The following TRPS1 variants were observed in gnomAD, a reference collection of about 807,000 sequenced individuals.
TRPS1 encodes the protein zinc finger transcription factor Trps1.
TRPS1 carries 6 observed loss-of-function variants against 101.2 expected under a neutral mutation model. That is an observed-to-expected ratio of 0.06 (90% CI 0.03 to 0.12). The LOEUF is 0.12. Among genes scored for constraint, TRPS1 ranks in the 10% least tolerant of loss-of-function variants. The pLI is 1.00. For missense variants in TRPS1, 1,363 were observed against 1,567.0 expected (o/e 0.87, Z 2.20); for synonymous variants, 578 against 589.8 (o/e 0.98, Z 0.29).
intron 5 of TRPS1, among the ~76,000 whole-genome samples, chr8:115,567,634 A>AT (rs1446146600): frequency 6.6e-6 from 1 of 152,140 alleles, no homozygotes; most frequent in Non-Finnish European, 1.5e-5. Context: ...AACATAAAAT[A>AT]TTCCAAATAT....
At chr8:115,500,164 G>A (rs1815278699) in intron 5 of TRPS1, among the ~76,000 whole-genome samples, 1 of 151,854 alleles carries the variant, frequency 6.6e-6, no homozygotes, top group Non-Finnish European at 1.5e-5. Context: ...CAAGTAGCTG[G>A]GATTATAGGC....
In TRPS1 at chr8:115,587,155, G is replaced by T. The variant is rs1245815484; in HGVS notation, c.2546C>A (p.Ala849Asp). 3 of 1,614,026 alleles carry T rather than the reference G, an allele frequency of 1.9e-6. No individual in the cohort carries two copies. The African/African-American group carries it at 4.0e-5, about 22-fold the overall frequency. The change falls in exon 5 of 7, where the codon GCC (alanine) becomes GAC (aspartate). Residue 849 changes from alanine (A) to aspartate (D), a missense_variant. Ala to Asp is a moderately radical substitution (Grantham distance 126, BLOSUM62 -2). Transcript: ENST00000395715. Reference sequence around the variant, plus strand: ...GCCATAAATAGGTCGCGCCAGATGGGCGGCCTCCACATTGGGACTATCCCT... The same window carrying T: ...GCCATAAATAGGTCGCGCCAGATGGTCGGCCTCCACATTGGGACTATCCCT... The part of the protein sequence containing the change: ...TLRDSPNVEA[A>D]HLARPIYGLA...
At position 115,619,919 on chromosome 8, in the gene TRPS1, T is replaced by C. The variant is rs757403386; in HGVS notation, c.179A>G (p.Asp60Gly). 1 of 1,614,194 alleles carries C rather than the reference T, an allele frequency of 6.2e-7. No individual in the cohort carries two copies. Among genetic ancestry groups the C allele is most frequent in the East Asian group, 2.2e-5 (1 of 44,870 alleles). ...FSADQMSENTDQSDAAELNHK... is the reference protein window; with the variant it reads ...FSADQMSENTGQSDAAELNHK... ...ATTTAGTTCTGCAGCATCACTCTGA[T>C]CCGTATTTTCTGACATCTGATCTGC... The change falls in exon 3 of 7, where the codon GAT (aspartate) becomes GGT (glycine). Residue 60 changes from aspartate (D) to glycine (G), a missense_variant. Physicochemically the swap from Asp to Gly is moderately conservative, Grantham distance 94 (BLOSUM62 -1). Coordinates refer to ENST00000395715, the MANE Select transcript of TRPS1 (RefSeq NM_014112.5).
chr8:115,472,709 A>G (rs964865854), intron 5 of TRPS1, among the ~76,000 whole-genome samples: 2 of 152,126 alleles, frequency 1.3e-5, no homozygotes, highest in Non-Finnish European at 2.9e-5. Context: ...ACTACATAAA[A>G]CTGAATGCTT....
In TRPS1 at chr8:115,447,492, T is replaced by C. The variant is rs1431922909; in HGVS notation, c.2701-29040A>G. Among the ~76,000 whole-genome samples, 4 of 152,146 alleles carry C rather than the reference T, an allele frequency of 2.6e-5. No homozygotes were observed. The South Asian group carries it at 6.2e-4, about 24-fold the overall frequency. The stretch of plus-strand genomic sequence containing the variant: ...GCTTTTGAGCAAAAGATATAAGATA[T>C]AAAAGTTATAATAGACTTAAAAACA... On this transcript the variant is annotated intron_variant, in intron 5 of 6. Coordinates refer to ENST00000395715, the MANE Select transcript of TRPS1 (RefSeq NM_014112.5).
intron 5 of TRPS1, among the ~76,000 whole-genome samples, chr8:115,433,608 T>G (rs1813374790): frequency 6.6e-6 from 1 of 152,142 alleles, no homozygotes; most frequent in South Asian, 2.1e-4. Flanking sequence ...GAGGTAGTTA[T>G]GTTTAATTGT....
intron 5 of TRPS1, among the ~76,000 whole-genome samples, chr8:115,501,574 A>G (rs970051216): frequency 4.6e-5 from 7 of 152,206 alleles, no homozygotes; most frequent in Non-Finnish European, 8.8e-5. Flanking sequence ...TGGATCCCAA[A>G]TATGTGAAGT....
intron 5 of TRPS1, among the ~76,000 whole-genome samples, chr8:115,564,274 C>T (rs2130376912): frequency 6.6e-6 from 1 of 152,194 alleles, no homozygotes; most frequent in Middle Eastern, 3.4e-3. Flanking sequence ...AAAAGATGTG[C>T]CGTAGCTTTC....
intron 5 of TRPS1, among the ~76,000 whole-genome samples, chr8:115,421,110 G>A (rs775936178): frequency 1.6e-4 from 24 of 151,390 alleles, no homozygotes; most frequent in African/African-American, 4.4e-4. Context: ...TCAGCCTCCC[G>A]AGTAGCTGGG....
Position 115,414,385 on chromosome 8 carries a change from T to C in TRPS1, c.3523A>G (p.Ile1175Val), listed in dbSNP as rs774367521. 1 of 1,613,952 alleles carries C rather than the reference T, an allele frequency of 6.2e-7. No homozygotes were observed. The highest frequency in any genetic ancestry group is 8.5e-7 in the Non-Finnish European group (1 of 1,179,956). The change falls in exon 7 of 7, where the codon ATT becomes GTT. Residue 1175 changes from isoleucine (I) to valine (V), a missense_variant. Coordinates refer to ENST00000395715, the MANE Select transcript of TRPS1 (RefSeq NM_014112.5). The surrounding 1 kb of genome is among the most constrained non-coding windows in gnomAD (Gnocchi z 4.8). ...HFSAVGSDND[I>V]PLDLAIKHSR... The stretch of plus-strand genomic sequence containing the variant: ...TGCTTGATCGCCAAATCTAGAGGAA[T>C]GTCATTGTCTGATCCAACAGCTGAA...
At chr8:115,566,021 C>T (rs186275397) in intron 5 of TRPS1, among the ~76,000 whole-genome samples, 1 of 152,108 alleles carries the variant, frequency 6.6e-6, no homozygotes, top group Non-Finnish European at 1.5e-5. Flanking sequence ...TATCCTCATA[C>T]CATGGCATAG....
At position 115,418,450 on chromosome 8, in the gene TRPS1, C is replaced by T; in HGVS notation, c.2703G>A (p.Arg901=). Residue 901 remains arginine (R), a splice_region_variant and synonymous_variant, in exon 6 of 7, where the codon AGG becomes AGA. Transcript: ENST00000395715. The surrounding 1 kb of genome is among the most constrained non-coding windows in gnomAD (Gnocchi z 4.3). The stretch of plus-strand genomic sequence containing the variant: ...CACAAAAAACACCGGAGCCTCTACG[C>T]CTCTGAAACAGGGGAAAAAAACCAA... ...SKDESQSLLR[R]RRGSGVFCAN... is the part of the protein sequence containing the mutation. 3 of 1,614,062 alleles carry T rather than the reference C, an allele frequency of 1.9e-6. No individual in the cohort carries two copies. The highest frequency in any genetic ancestry group is 2.5e-6 in the Non-Finnish European group (3 of 1,179,986).
At chr8:115,478,064 T>C (rs1329725380) in intron 5 of TRPS1, among the ~76,000 whole-genome samples, 1 of 152,218 alleles carries the variant, frequency 6.6e-6, no homozygotes, top group Non-Finnish European at 1.5e-5. Flanking sequence ...TTAACAAAAT[T>C]ACTACAAGTG....
intron 3 of TRPS1, among the ~76,000 whole-genome samples, chr8:115,611,321 T>C (rs62512210): frequency 0.052 from 7,874 of 152,172 alleles, 318 homozygotes; most frequent in Non-Finnish European, 0.08. Flanking sequence ...AGCATCTTAA[T>C]GGGAAAAGAG....
At chr8:115,598,712 T>C (rs983711966) in intron 4 of TRPS1, among the ~76,000 whole-genome samples, 2 of 152,226 alleles carry the variant, frequency 1.3e-5, no homozygotes, top group African/African-American at 4.8e-5. Context: ...TTTGCTCTTA[T>C]TCTTAGGAGA....
intron 1 of TRPS1, among the ~76,000 whole-genome samples, chr8:115,633,291 G>T (rs576456294): frequency 6.6e-6 from 1 of 152,204 alleles, no homozygotes; most frequent in Non-Finnish European, 1.5e-5. Context: ...AGAGAAGAAA[G>T]CAACAGACAC....
At chr8:115,512,005 C>T (rs1042115677) in intron 5 of TRPS1, among the ~76,000 whole-genome samples, 2 of 151,770 alleles carry the variant, frequency 1.3e-5, no homozygotes, top group East Asian at 1.9e-4. Flanking sequence ...ATCGCATCAA[C>T]GTGTTGCTAC....
Position 115,587,004 on chromosome 8 carries a change from T to C in TRPS1, c.2697A>G (p.Leu899=). Residue 899 remains leucine (L), a synonymous_variant, in exon 5 of 7, where the codon TTA becomes TTG. Transcript: ENST00000395715. The stretch of plus-strand genomic sequence containing the variant: ...TTTAAAAATGAAACCATCCTACCCG[T>C]AACAGGGACTGGGATTCATCCTTGG... The part of the protein sequence containing the change: ...NKSKDESQSL[L]RRRRGSGVFC... 6.2e-7 allele frequency: 1 copy of C among 1,614,190 alleles called. No homozygotes were observed. Among genetic ancestry groups the C allele is most frequent in the Non-Finnish European group, 8.5e-7 (1 of 1,180,028 alleles).
At chr8:115,532,540 T>C (rs183684695) in intron 5 of TRPS1, among the ~76,000 whole-genome samples, 19 of 152,224 alleles carry the variant, frequency 1.2e-4, no homozygotes, top group African/African-American at 4.6e-4. Context: ...TTTAGAAAGA[T>C]CAGTAAAATA....
Sources: gnomAD v4.1 joint callset for allele counts (sites outside exome capture counted in the v4.1 genomes callset) on GRCh38, gnomAD v4.1.1 for gene constraint, Gnocchi (gnomAD v3.1) non-coding constraint, MANE v1.5 for transcripts, NCBI Gene and HGNC (gene_info 2026-07-23, HGNC 2026-07-21) for gene names.